Variants in ATXN1 observed in about 807,000 individuals in gnomAD.
ATXN1 encodes ataxin 1, also known as ataxin-1.
A neutral mutation model predicts 56.4 loss-of-function variants in ATXN1; 8 were observed. That is an observed-to-expected ratio of 0.14 (90% CI 0.08 to 0.26). The LOEUF is 0.26. ATXN1 is among the 10% of genes least tolerant of loss of function. The pLI is 1.00. For synonymous variants in ATXN1, 514 were observed against 494.6 expected, an observed-to-expected ratio of 1.04 and a Z score of -0.52; for missense variants, 987 against 1,106.5, an observed-to-expected ratio of 0.89 and a Z score of 1.53.
At chr6:16,552,807 A>G (rs184288251) in intron 4 of ATXN1, among the ~76,000 whole-genome samples, 12 of 152,318 alleles carry the variant, frequency 7.9e-5, no homozygotes, top group African/African-American at 2.9e-4. Context: ...AATGATGTTC[A>G]GCTGCACTCT....
At chr6:16,539,661 G>A (rs1761674190) in intron 4 of ATXN1, among the ~76,000 whole-genome samples, 1 of 152,102 alleles carries the variant, frequency 6.6e-6, no homozygotes, top group African/African-American at 2.4e-5. Context: ...CTTTAAACAA[G>A]GACATTCTAT....
chr6:16,636,434 G>A (rs1480061844), intron 3 of ATXN1, among the ~76,000 whole-genome samples: 1 of 152,182 alleles, frequency 6.6e-6, no homozygotes, highest in Admixed American at 6.5e-5. Flanking sequence ...TCATCAGGAT[G>A]AGCTTTGTTC....
chr6:16,368,537 T>C (rs1175597939), intron 6 of ATXN1, among the ~76,000 whole-genome samples: 4 of 152,036 alleles, frequency 2.6e-5, no homozygotes, highest in Non-Finnish European at 5.9e-5. Flanking sequence ...ATCTTCTTTT[T>C]CTAAAGATAG....
rs146165450 is a variant in ATXN1 at position 16,612,410 on chromosome 6, A to G, written c.-488-26503T>C. The stretch of plus-strand genomic sequence containing the variant: ...GTGTAAACAATTCAAATTAACTTGT[A>G]CATTCAAAAAGAATTCTTCTAAATA... On this transcript the variant is annotated intron_variant, in intron 3 of 7. Transcript: ENST00000436367. Among the ~76,000 whole-genome samples the G allele has an allele frequency of 7.9e-3, 1,209 of 152,336 alleles. 11 individuals carry two copies. Among genetic ancestry groups the G allele is most frequent in the African/African-American group, 0.027 (1,104 of 41,566 alleles).
intron 6 of ATXN1, among the ~76,000 whole-genome samples, chr6:16,460,401 T>C (rs773895673): frequency 6.6e-6 from 1 of 152,098 alleles, no homozygotes; most frequent in Non-Finnish European, 1.5e-5. Flanking sequence ...TGTTTACGGG[T>C]AGTTGTGGCA....
intron 7 of ATXN1, among the ~76,000 whole-genome samples, chr6:16,315,177 G>C (rs572032580): frequency 6.6e-6 from 1 of 152,044 alleles, no homozygotes; most frequent in Non-Finnish European, 1.5e-5. Flanking sequence ...AAACACACCA[G>C]ACCTCCCGAT....
intron 4 of ATXN1, among the ~76,000 whole-genome samples, chr6:16,584,122 G>A (rs1430432041): frequency 6.6e-6 from 1 of 151,094 alleles, no homozygotes; most frequent in African/African-American, 2.4e-5. Flanking sequence ...CAGCAGAGCT[G>A]GAATTTGAGC....
At chr6:16,550,155 C>CAAAAAAAAAAAAAA (rs70999336) in intron 4 of ATXN1, among the ~76,000 whole-genome samples, 1 of 91,196 alleles carries the variant, frequency 1.1e-5, no homozygotes, top group Non-Finnish European at 2.3e-5. Context: ...AAATAAAATA[C>CAAAAAAAAAAAAAA]AAAAAAAAAA....
intron 2 of ATXN1, among the ~76,000 whole-genome samples, chr6:16,679,089 T>C (rs1758745932): frequency 6.6e-6 from 1 of 150,424 alleles, no homozygotes. Context: ...GATGGATGAA[T>C]AGATGGATGG....
At chr6:16,734,763 G>C (rs1240001036) in intron 2 of ATXN1, among the ~76,000 whole-genome samples, 2 of 152,070 alleles carry the variant, frequency 1.3e-5, no homozygotes, top group East Asian at 3.9e-4. Context: ...CAAAGTGCTG[G>C]GATTACAGAC....
At chr6:16,424,576 T>C (rs1446958724) in intron 6 of ATXN1, among the ~76,000 whole-genome samples, 1 of 152,152 alleles carries the variant, frequency 6.6e-6, no homozygotes, top group Non-Finnish European at 1.5e-5. Context: ...AAAGTGGCCA[T>C]TTTATGGGGA....
At chr6:16,489,357 A>G (rs1760612620) in intron 5 of ATXN1, among the ~76,000 whole-genome samples, 1 of 152,172 alleles carries the variant, frequency 6.6e-6, no homozygotes, top group African/African-American at 2.4e-5. Context: ...AGGGACTTGA[A>G]AGTCTGATGA....
chr6:16,431,642 A>C (rs985280668), intron 6 of ATXN1, among the ~76,000 whole-genome samples: 6 of 152,324 alleles, frequency 3.9e-5, no homozygotes, highest in African/African-American at 1.4e-4. Context: ...CAATTTGCAT[A>C]GTCTCTCATT....
intron 7 of ATXN1, among the ~76,000 whole-genome samples, chr6:16,309,278 A>G (rs1315072952): frequency 1.3e-5 from 2 of 150,892 alleles, no homozygotes; most frequent in Non-Finnish European, 3.0e-5. Flanking sequence ...ATTAATTAAA[A>G]AAGGTCTATG....
chr6:16,354,237 C>A (rs1412514483), intron 6 of ATXN1, among the ~76,000 whole-genome samples: 1 of 151,916 alleles, frequency 6.6e-6, no homozygotes, highest in Non-Finnish European at 1.5e-5. Context: ...TAAAGCCAGA[C>A]CCCCTTCCTT....
At chr6:16,709,195 ATAAG>A (rs1759473146) in intron 2 of ATXN1, among the ~76,000 whole-genome samples, 1 of 152,164 alleles carries the variant, frequency 6.6e-6, no homozygotes, top group African/African-American at 2.4e-5. Flanking sequence ...AATCACAAAA[ATAAG>A]TAAATGAAAA....
At chr6:16,560,071 G>A (rs892335169) in intron 4 of ATXN1, among the ~76,000 whole-genome samples, 3 of 152,132 alleles carry the variant, frequency 2.0e-5, no homozygotes, top group African/African-American at 7.2e-5. Context: ...TGTAGCTGGA[G>A]ATATGCCAAC....
chr6:16,549,023 T>C lies in ATXN1; in HGVS notation c.-360-26335A>G, dbSNP rs531967344. Among the ~76,000 whole-genome samples the C allele has an allele frequency of 7.2e-5, 11 of 152,316 alleles. No homozygotes were observed. The East Asian group carries it at 1.3e-3, about 19-fold the overall frequency. ...GGGTCAGGATCATTCATATCACCTC[T>C]ACCTCCACATCTTGTCCCACTGAGA... On this transcript the variant is annotated intron_variant, in intron 4 of 7. Coordinates refer to ENST00000436367, the MANE Select transcript of ATXN1 (RefSeq NM_001128164.2).
At chr6:16,426,243 C>T (rs1316951716) in intron 6 of ATXN1, among the ~76,000 whole-genome samples, 1 of 148,626 alleles carries the variant, frequency 6.7e-6, no homozygotes, top group African/African-American at 2.5e-5. Flanking sequence ...TTTGACAGGG[C>T]TTATTAACAC....
Sources: gnomAD v4.1 joint callset for allele counts (sites outside exome capture counted in the v4.1 genomes callset) on GRCh38, gnomAD v4.1.1 for gene constraint, MANE v1.5 for transcripts, NCBI Gene and HGNC (gene_info 2026-07-23, HGNC 2026-07-21) for gene names.